RNF17: variants seen among roughly 807,000 people sequenced by gnomAD.
The protein encoded by RNF17 is spermatogenesis associated 23.
RNF17 carries 31 observed loss-of-function variants against 200.5 expected under a neutral mutation model. That is an observed-to-expected ratio of 0.15 (90% CI 0.12 to 0.21). RNF17 has a LOEUF of 0.21. Ranked by LOEUF, RNF17 falls within the 10% of genes least tolerant of loss-of-function variation. The pLI is 1.00. For missense variants in RNF17, 1,628 were observed against 1,905.1 expected (o/e 0.85, Z 2.71); for synonymous variants, 606 against 637.8 (o/e 0.95, Z 0.75).
Position 24,868,588 on chromosome 13 carries a change from G to A in RNF17, c.4162-12G>A. The A allele has an allele frequency of 7.3e-7, 1 of 1,362,912 alleles. No individual in the cohort carries two copies. Among genetic ancestry groups the A allele is most frequent in the East Asian group, 2.5e-5 (1 of 40,456 alleles). The allele number at this position is 1,362,912 out of a possible 1,614,324, so 84.4% of individuals were successfully genotyped here. The stretch of plus-strand genomic sequence containing the variant: ...CTTATTCTGAAATTTGAATTTTTCT[G>A]TGGTGTTTTAGGAATTGCTTTCGGC... On this transcript the variant is annotated splice_polypyrimidine_tract_variant and intron_variant, in intron 30 of 35. Coordinates refer to ENST00000255324, the MANE Select transcript of RNF17 (RefSeq NM_031277.3).
At chr13:24,788,728 T>C (rs1460226597) in intron 7 of RNF17, among the ~76,000 whole-genome samples, 5 of 152,172 alleles carry the variant, frequency 3.3e-5, no homozygotes, top group Admixed American at 6.6e-5. Context: ...TCTTATACTT[T>C]GACAGGACAA....
chr13:24,786,524 T>G (rs1883131643), intron 6 of RNF17, among the ~76,000 whole-genome samples: 1 of 152,246 alleles, frequency 6.6e-6, no homozygotes, highest in Non-Finnish European at 1.5e-5. Flanking sequence ...TTTGAGTTAC[T>G]GCATAGCCTT....
In RNF17 at chr13:24,804,443, G is replaced by A. The variant is rs1885607418; in HGVS notation, c.2091+14G>A. 4 of 1,572,264 alleles carry A rather than the reference G, an allele frequency of 2.5e-6. No homozygotes were observed. The highest frequency in any genetic ancestry group is 1.2e-5 in the South Asian group (1 of 83,954). On this transcript the variant is annotated intron_variant, in intron 15 of 35. Transcript: ENST00000255324. ...TATCTTCAGTTGGTAAGTATATAAT[G>A]TGTTTTTGAAATGAAGTTTTTAAAA...
intron 22 of RNF17, among the ~76,000 whole-genome samples, chr13:24,847,491 G>A (rs571714380): frequency 1.3e-5 from 2 of 151,648 alleles, no homozygotes; most frequent in African/African-American, 2.4e-5. Context: ...AATTACAGGC[G>A]TGCACCACCA....
At chr13:24,879,040 T>C (rs1895157881) in intron 34 of RNF17, 147 bp from the exon 35 acceptor site, 1 of 605,130 alleles carries the variant, frequency 1.7e-6, no homozygotes, top group Admixed American at 2.9e-5. Flanking sequence ...AGGAAACCAC[T>C]ACAGATGCCT....
At chr13:24,858,893 G>C (rs914483036) in intron 25 of RNF17, 108 bp from the exon 26 acceptor site, 5 of 676,220 alleles carry the variant, frequency 7.4e-6, no homozygotes, top group Non-Finnish European at 1.2e-5. Flanking sequence ...CAAAAGTTCT[G>C]TTTGGGGGAC....
intron 9 of RNF17, among the ~76,000 whole-genome samples, chr13:24,791,638 T>G (rs1276866016): frequency 6.6e-6 from 1 of 152,128 alleles, no homozygotes; most frequent in Non-Finnish European, 1.5e-5. Context: ...GTGGATTGTC[T>G]CCAATGGAAA....
At chr13:24,872,572 C>T (rs1260868818) in intron 32 of RNF17, among the ~76,000 whole-genome samples, 2 of 152,108 alleles carry the variant, frequency 1.3e-5, no homozygotes, top group African/African-American at 4.8e-5. Flanking sequence ...TATCAGGTAC[C>T]GTGTTAGGAA....
At chr13:24,861,071 G>T (rs1187205966) in intron 26 of RNF17, among the ~76,000 whole-genome samples, 197 bp from the exon 27 acceptor site, 4 of 152,026 alleles carry the variant, frequency 2.6e-5, no homozygotes, top group East Asian at 1.9e-4. Context: ...TAGAGATGGG[G>T]TCTTGCCGTG....
Position 24,794,681 on chromosome 13 carries a change from G to C in RNF17, c.1240+1335G>C, listed in dbSNP as rs976218070. Among the ~76,000 whole-genome samples the C allele has an allele frequency of 1.5e-4, 14 of 94,442 alleles. 1 individual carries two copies. In the South Asian group the frequency reaches 5.0e-3, roughly 34 times the overall value. The allele number at this position is 94,442 out of a possible 152,430, so 62.0% of individuals were successfully genotyped here. On this transcript the variant is annotated intron_variant, in intron 10 of 35. Coordinates refer to ENST00000255324, the MANE Select transcript of RNF17 (RefSeq NM_031277.3). ...CAGTGAGACCTCATCTCAAATAAAT[G>C]AATGAATGAGTGTTTTGACTCTGGC...
intron 33 of RNF17, among the ~76,000 whole-genome samples, chr13:24,876,211 G>A (rs1894839554): frequency 6.6e-6 from 1 of 152,106 alleles, no homozygotes; most frequent in Non-Finnish European, 1.5e-5. Context: ...TGATCTTGAT[G>A]GAACTTATGT....
chr13:24,874,965 T>A (rs1385286249), intron 33 of RNF17, among the ~76,000 whole-genome samples: 5 of 152,232 alleles, frequency 3.3e-5, no homozygotes, highest in Non-Finnish European at 7.3e-5. Flanking sequence ...GTGTCTGGCT[T>A]ATTTCAATAG....
intron 16 of RNF17, among the ~76,000 whole-genome samples, chr13:24,827,614 A>G (rs1385418163): frequency 7.1e-6 from 1 of 141,198 alleles, no homozygotes; most frequent in Non-Finnish European, 1.5e-5. Context: ...AGGCAGGAGA[A>G]TGGCGTGAAC....
chr13:24,779,203 A>C (rs1325379898), intron 4 of RNF17, among the ~76,000 whole-genome samples: 1 of 152,180 alleles, frequency 6.6e-6, no homozygotes, highest in African/African-American at 2.4e-5. Context: ...TCAAAAAAAA[A>C]ATAAAAAGAA....
At chr13:24,795,886 T>C (rs184814217) in intron 10 of RNF17, among the ~76,000 whole-genome samples, 99 of 152,346 alleles carry the variant, frequency 6.5e-4, no homozygotes, top group Non-Finnish European at 8.2e-4. Context: ...TATGATTTCA[T>C]TTATTTAGCG....
chr13:24,771,638 CTT>C lies in RNF17; in HGVS notation c.226-3162_226-3161del, dbSNP rs11361522. Among the ~76,000 whole-genome samples the C allele has an allele frequency of 8.2e-4, 115 of 140,526 alleles. 1 individual carries two copies. Among genetic ancestry groups the C allele is most frequent in the Middle Eastern group, 7.3e-3 (2 of 274 alleles). 92.2% of individuals were successfully genotyped at this position (140,526 alleles called of 152,430 possible). ...CCTGCTTCATGAATTCTAGGTAGGG[CTT>C]TTTTTTTTTTTTCTGACTAGGCAGA... On this transcript the variant is annotated intron_variant, in intron 2 of 35. Transcript: ENST00000255324.
chr13:24,808,147 A>G (rs1243418654), intron 15 of RNF17, among the ~76,000 whole-genome samples: 38 of 151,088 alleles, frequency 2.5e-4, no homozygotes, highest in African/African-American at 8.7e-4. Flanking sequence ...TTGGTTCCAT[A>G]TGAACTTTAA....
chr13:24,847,345 ATTTATTTTT>A (rs916287217), intron 22 of RNF17, among the ~76,000 whole-genome samples: 2 of 101,820 alleles, frequency 2.0e-5, no homozygotes, highest in African/African-American at 4.1e-5. Flanking sequence ...TTATTTATTT[ATTTATTTTT>A]TTTTTTTTTG....
chr13:24,762,294 C>T (rs191951473), upstream of RNF17, among the ~76,000 whole-genome samples: 10 of 146,214 alleles, frequency 6.8e-5, no homozygotes, highest in Non-Finnish European at 4.5e-5. Context: ...TGCTTGAACC[C>T]GGAGACCAAG....
Sources: gnomAD v4.1 joint callset for allele counts (sites outside exome capture counted in the v4.1 genomes callset) on GRCh38, gnomAD v4.1.1 for gene constraint, MANE v1.5 for transcripts, NCBI Gene and HGNC (gene_info 2026-07-23, HGNC 2026-07-21) for gene names.